BCL3: variants seen among roughly 807,000 people sequenced by gnomAD.
BCL3 encodes the protein B-cell lymphoma 3 protein.
In BCL3, 15 loss-of-function variants were observed where a neutral mutation model predicts 35.7. The ratio of observed to expected loss-of-function variants is 0.42; its 90% CI spans 0.28 to 0.65. The LOEUF (loss-of-function observed/expected upper bound fraction) is 0.65, where lower values mean the gene tolerates loss of function less well. BCL3 is among the 30% of genes least tolerant of loss of function. The pLI is 0.22. For synonymous variants in BCL3, 311 were observed against 284.3 expected, an observed-to-expected ratio of 1.09 and a Z score of -0.95; for missense variants, 565 against 641.7, an observed-to-expected ratio of 0.88 and a Z score of 1.29.
At chr19:44,749,094 T>A in intron 1 of BCL3, 48 bp downstream of exon 1, 1 of 1,075,612 alleles carries the variant, frequency 9.3e-7, no homozygotes, top group Non-Finnish European at 1.2e-6. Flanking sequence ...ACACAGAGCA[T>A]AGGGTCACCA....
chr19:44,751,199 T>G, intron 1 of BCL3, 28 bp from the exon 2 acceptor site: 1 of 1,593,588 alleles, frequency 6.3e-7, no homozygotes, highest in East Asian at 2.3e-5. Context: ...GCCTCACCCA[T>G]GTCCCTTCTC....
upstream of BCL3, chr19:44,748,117 G>A: frequency 7.6e-7 from 1 of 1,315,608 alleles, no homozygotes; most frequent in Non-Finnish European, 1.0e-6. Context: ...TTTGGCCAAG[G>A]TCACCCAGCG....
chr19:44,751,202 C>A, intron 1 of BCL3, 25 bp from the exon 2 acceptor site: 1 of 1,594,344 alleles, frequency 6.3e-7, no homozygotes, highest in Admixed American at 1.8e-5. Context: ...TCACCCATGT[C>A]CCTTCTCTGT....
intron 2 of BCL3, among the ~76,000 whole-genome samples, chr19:44,753,042 C>G (rs992917280): frequency 6.6e-6 from 1 of 152,142 alleles, no homozygotes; most frequent in Non-Finnish European, 1.5e-5. Flanking sequence ...TAGCACCTAT[C>G]ACAATTAGGA....
intron 1 of BCL3, 24 bp from the exon 2 acceptor site, chr19:44,751,203 C>T (rs775132558): frequency 5.0e-6 from 8 of 1,594,638 alleles, no homozygotes; most frequent in Non-Finnish European, 6.8e-6. Context: ...CACCCATGTC[C>T]CTTCTCTGTC....
At chr19:44,758,031 C>T (rs1599843625) in intron 6 of BCL3, among the ~76,000 whole-genome samples, 1 of 152,338 alleles carries the variant, frequency 6.6e-6, no homozygotes, top group East Asian at 1.9e-4. Context: ...CCCCCGACTC[C>T]TTGGGGCGCG....
chr19:44,752,969 G>T (rs537288060), intron 2 of BCL3, among the ~76,000 whole-genome samples: 38 of 152,292 alleles, frequency 2.5e-4, no homozygotes, highest in Non-Finnish European at 3.2e-4. Context: ...TCCGCCACTG[G>T]CCCACTGAGT....
chr19:44,758,755 G>A lies in BCL3; in HGVS notation c.1091G>A (p.Arg364Gln), dbSNP rs1967351666. The change falls in exon 8 of 9, where the codon CGG (arginine) becomes CAG (glutamine). Residue 364 changes from arginine (R) to glutamine (Q), a missense_variant. Arg to Gln is a conservative substitution (Grantham distance 43). Coordinates refer to ENST00000164227, the MANE Select transcript of BCL3 (RefSeq NM_005178.5). ...GACATCCTGAGGGGGAAGGCCACCC[G>A]GCCTGCTTCCACCTCCCAGCCAGAC... ...VIDILRGKAT[R>Q]PASTSQPDPS... is the part of the protein sequence containing the mutation. 1.9e-6 allele frequency: 3 copies of A among 1,605,920 alleles called. No homozygotes were observed. Among genetic ancestry groups the A allele is most frequent in the Non-Finnish European group, 2.5e-6 (3 of 1,177,000 alleles).
Position 44,757,610 on chromosome 19 carries a change from G to A in BCL3, c.814-36G>A. 6.2e-7 allele frequency: 1 copy of A among 1,610,410 alleles called. No homozygotes were observed. Among genetic ancestry groups the A allele is most frequent in the Non-Finnish European group, 8.5e-7 (1 of 1,177,476 alleles). On this transcript the variant is annotated intron_variant, in intron 5 of 8. Coordinates refer to ENST00000164227, the MANE Select transcript of BCL3 (RefSeq NM_005178.5). This position sits in a 1 kb window ranked among gnomAD's most constrained non-coding sequence, Gnocchi z 8.4. ...GCGGGTCGCCGGCTGCTGGAGCAGAGCTTGGAGAAACTAAGACCTTCCCTC... is the reference window on the plus strand; with the variant it reads ...GCGGGTCGCCGGCTGCTGGAGCAGAACTTGGAGAAACTAAGACCTTCCCTC...
intron 2 of BCL3, among the ~76,000 whole-genome samples, chr19:44,753,879 G>T (rs1223844073): frequency 1.3e-5 from 2 of 151,680 alleles, no homozygotes; most frequent in Non-Finnish European, 2.9e-5. Flanking sequence ...TTGGGGAACT[G>T]TATTCCTTAA....
At chr19:44,749,738 C>CA (rs1257877060) in intron 1 of BCL3, among the ~76,000 whole-genome samples, 1 of 152,038 alleles carries the variant, frequency 6.6e-6, no homozygotes, top group African/African-American at 2.4e-5. Context: ...CACAAGTGAT[C>CA]AGGGTCCTAT....
intron 2 of BCL3, among the ~76,000 whole-genome samples, chr19:44,752,204 CTT>C (rs914729674): frequency 1.4e-5 from 2 of 138,872 alleles, no homozygotes; most frequent in African/African-American, 2.6e-5. Flanking sequence ...TTTTCTTTTT[CTT>C]TTTTTTTTTT....
rs1052201797 is a variant in BCL3 at position 44,758,859 on chromosome 19, A to G, written c.1177+18A>G. ...CTCCAATGGTGAGAAACCGTTCCCA[A>G]CCTCCAGCCCTGGCGCCTCCTCCCT... On this transcript the variant is annotated intron_variant, in intron 8 of 8. Coordinates refer to ENST00000164227, the MANE Select transcript of BCL3 (RefSeq NM_005178.5). The G allele has an allele frequency of 6.4e-7, 1 of 1,560,000 alleles. No individual in the cohort carries two copies. The highest frequency in any genetic ancestry group is 2.3e-5 in the East Asian group (1 of 43,688).
intron 8 of BCL3, among the ~76,000 whole-genome samples, chr19:44,759,215 A>AC (rs1478433884): frequency 1.7e-5 from 1 of 60,064 alleles, no homozygotes; most frequent in African/African-American, 6.7e-5. Flanking sequence ...CCTCCTTCTG[A>AC]CCCCCGGCCC....
intron 2 of BCL3, among the ~76,000 whole-genome samples, chr19:44,752,846 G>A (rs1358174705): frequency 4.6e-5 from 7 of 152,164 alleles, no homozygotes; most frequent in Admixed American, 2.6e-4. Flanking sequence ...GTCTCTGGGA[G>A]GAAGAAATGA....
At position 44,748,974 on chromosome 19, in the gene BCL3, G is replaced by A. The variant is rs1364616944; in HGVS notation, c.184G>A (p.Gly62Ser). 5 of 1,376,462 alleles carry A rather than the reference G, an allele frequency of 3.6e-6. No individual in the cohort carries two copies. Among genetic ancestry groups the A allele is most frequent in the Admixed American group, 3.0e-5 (1 of 33,332 alleles). 85.3% of individuals were successfully genotyped at this position (1,376,462 alleles called of 1,614,324 possible). A position where few individuals can be genotyped will look rare whatever the true frequency, so the allele number is the denominator to read the frequency against. Reference sequence around the variant, plus strand: ...TGTCGTCCCCCTGGACCCTCTGCGCGGCGGCTGCGACCTGCCGGCGGTCCC... The same window carrying A: ...TGTCGTCCCCCTGGACCCTCTGCGCAGCGGCTGCGACCTGCCGGCGGTCCC... Reference protein sequence around the residue: ...GLVVPLDPLRGGCDLPAVPGP... With the variant: ...GLVVPLDPLRSGCDLPAVPGP... The change falls in exon 1 of 9, where the codon GGC (glycine) becomes AGC (serine). Residue 62 changes from glycine to serine, a missense_variant. Around this residue, in one of 5 missense-constraint regions of BCL3, gnomAD observed 267 missense variants for 281.5 expected, o/e 0.95. Transcript: ENST00000164227.
Position 44,751,259 on chromosome 19 carries a change from A to G in BCL3, c.289A>G (p.Met97Val). ...ALLPLYPTRAMGSPFPLVNLP... is the reference protein window; with the variant it reads ...ALLPLYPTRAVGSPFPLVNLP... ...ACTGCCTTTGTACCCCACTCGGGCC[A>G]TGGGCTCCCCGTTTCCTCTGGTGAA... is the stretch of plus-strand genomic sequence containing the variant. Residue 97 changes from methionine to valine, a missense_variant, in exon 2 of 9, where the codon ATG (methionine) becomes GTG (valine). Met to Val is a conservative substitution (Grantham distance 21). This residue lies in a region of BCL3 where 267 missense variants were observed against 281.5 expected (regional missense o/e 0.95). Transcript: ENST00000164227. 2 of 1,611,496 alleles carry G rather than the reference A, an allele frequency of 1.2e-6. No homozygotes were observed. Among genetic ancestry groups the G allele is most frequent in the Non-Finnish European group, 8.5e-7 (1 of 1,178,908 alleles).
Position 44,756,578 on chromosome 19 carries a change from G to A in BCL3, c.519+238G>A, listed in dbSNP as rs571569175. On this transcript the variant is annotated intron_variant, in intron 3 of 8. Coordinates refer to ENST00000164227, the MANE Select transcript of BCL3 (RefSeq NM_005178.5). Reference sequence around the variant, plus strand: ...CTGGGCTCCTGAGTCTGAGGGAGGAGGGCTGGGGATCTGGACTCCTGGGTC... The same window carrying A: ...CTGGGCTCCTGAGTCTGAGGGAGGAAGGCTGGGGATCTGGACTCCTGGGTC... Among the ~76,000 whole-genome samples the A allele has an allele frequency of 2.6e-4, 38 of 145,218 alleles. 1 individual carries two copies. In the South Asian group the frequency reaches 7.3e-3, roughly 28 times the overall value.
chr19:44,748,035 G>A (rs1470316430), upstream of BCL3: 4 of 1,328,884 alleles, frequency 3.0e-6, no homozygotes, highest in Non-Finnish European at 3.0e-6. Context: ...GCCGCCTGCC[G>A]AGTGCCAGTC....
Sources: gnomAD v4.1 joint callset for allele counts (sites outside exome capture counted in the v4.1 genomes callset) on GRCh38, gnomAD v4.1.1 for gene constraint, gnomAD v4.1.1 regional missense constraint, Gnocchi (gnomAD v3.1) non-coding constraint, MANE v1.5 for transcripts, NCBI Gene and HGNC (gene_info 2026-07-23, HGNC 2026-07-21) for gene names.